Variants in SYNDIG1 observed in about 807,000 individuals in gnomAD.
SYNDIG1 encodes the protein synapse differentiation-inducing gene protein 1.
In SYNDIG1, 9 loss-of-function variants were observed where a neutral mutation model predicts 19.4. The observed-to-expected ratio is 0.46, with a 90% CI of 0.28 to 0.81. The LOEUF is 0.81. Among genes scored for constraint, SYNDIG1 ranks in the 30% least tolerant of loss-of-function variants. The pLI is 0.12. For missense variants in SYNDIG1, 311 were observed against 343.3 expected (o/e 0.91, Z 0.74); for synonymous variants, 141 against 145.9 (o/e 0.97, Z 0.24).
intron 3 of SYNDIG1, among the ~76,000 whole-genome samples, chr20:24,628,042 TAGA>T (rs1224836332): frequency 2.0e-5 from 3 of 152,234 alleles, no homozygotes; most frequent in African/African-American, 7.2e-5. Context: ...TTATGGCACT[TAGA>T]GGAGCACAGG....
chr20:24,621,052 C>A (rs1028908951), intron 3 of SYNDIG1, among the ~76,000 whole-genome samples: 2 of 152,002 alleles, frequency 1.3e-5, no homozygotes, highest in Non-Finnish European at 2.9e-5. Flanking sequence ...CTTCAGTGGG[C>A]AAAGTAAACA....
chr20:24,618,821 T>C (rs1273367918), intron 3 of SYNDIG1, among the ~76,000 whole-genome samples: 1 of 146,726 alleles, frequency 6.8e-6, no homozygotes, highest in African/African-American at 2.6e-5. Context: ...TCCTTTTTCC[T>C]TTCTTTGTTT....
intron 3 of SYNDIG1, among the ~76,000 whole-genome samples, chr20:24,650,592 C>G (rs2059460990): frequency 1.3e-5 from 2 of 152,202 alleles, no homozygotes. Flanking sequence ...AAAAACGTCC[C>G]TCTCTGTACC....
intron 3 of SYNDIG1, among the ~76,000 whole-genome samples, chr20:24,663,549 C>T (rs1345172821): frequency 2.0e-5 from 3 of 152,190 alleles, no homozygotes; most frequent in Non-Finnish European, 4.4e-5. Flanking sequence ...CCCCAGAGCC[C>T]AGCCCAGGCC....
intron 3 of SYNDIG1, among the ~76,000 whole-genome samples, chr20:24,640,308 G>GA (rs1308309225): frequency 5.4e-5 from 8 of 148,418 alleles, no homozygotes; most frequent in Non-Finnish European, 7.4e-5. Context: ...GTGACAGTGA[G>GA]AAAAAAAAGA....
intron 1 of SYNDIG1, among the ~76,000 whole-genome samples, chr20:24,510,601 T>G (rs1386599719): frequency 1.3e-5 from 2 of 152,000 alleles, no homozygotes; most frequent in Admixed American, 6.6e-5. Flanking sequence ...GAAATATTTT[T>G]CTCTGTTTGA....
At position 24,508,836 on chromosome 20, in the gene SYNDIG1, A is replaced by G. The variant is rs546925602; in HGVS notation, c.-78-34184A>G. Among the ~76,000 whole-genome samples, 5 of 152,302 alleles carry G rather than the reference A, an allele frequency of 3.3e-5. No individual in the cohort carries two copies. In the East Asian group the frequency reaches 9.7e-4, roughly 29 times the overall value. On this transcript the variant is annotated intron_variant, in intron 1 of 3. Transcript: ENST00000376862. ...GCAGGCTGGAGTCACATGAGAACTGAAGAAAAGGGGAATAAATAGAGGTGG... is the reference window on the plus strand; with the variant it reads ...GCAGGCTGGAGTCACATGAGAACTGGAGAAAAGGGGAATAAATAGAGGTGG...
chr20:24,646,422 T>G (rs2059423285), intron 3 of SYNDIG1, among the ~76,000 whole-genome samples: 1 of 152,030 alleles, frequency 6.6e-6, no homozygotes, highest in Non-Finnish European at 1.5e-5. Context: ...CTCTCACGAG[T>G]AGATGAATTC....
At chr20:24,470,857 C>A (rs559424142) in intron 1 of SYNDIG1, among the ~76,000 whole-genome samples, 1 of 152,068 alleles carries the variant, frequency 6.6e-6, no homozygotes, top group African/African-American at 2.4e-5. Flanking sequence ...ACGTCAGATG[C>A]GCTGGCGCCG....
chr20:24,535,833 CT>C (rs946203122), intron 1 of SYNDIG1, among the ~76,000 whole-genome samples: 5 of 152,278 alleles, frequency 3.3e-5, no homozygotes, highest in African/African-American at 4.8e-5. Context: ...ATGGCCTCCC[CT>C]GGCTCTATTT....
intron 1 of SYNDIG1, among the ~76,000 whole-genome samples, chr20:24,541,520 G>T (rs1391392523): frequency 6.6e-6 from 1 of 152,172 alleles, no homozygotes; most frequent in African/African-American, 2.4e-5. Context: ...TCCTCTATAA[G>T]GAAGCAGGTG....
chr20:24,561,762 C>CTAAGT (rs2057950993), intron 2 of SYNDIG1, among the ~76,000 whole-genome samples: 2 of 152,220 alleles, frequency 1.3e-5, no homozygotes, highest in Admixed American at 6.5e-5. Flanking sequence ...AGGATACTAT[C>CTAAGT]TAAGCGCTGG....
At chr20:24,530,040 ATGGTGAGG>A (rs2057222943) in intron 1 of SYNDIG1, among the ~76,000 whole-genome samples, 1 of 8,264 alleles carries the variant, frequency 1.2e-4, no homozygotes, top group Non-Finnish European at 2.8e-4. Context: ...GATGGTGGTA[ATGGTGAGG>A]GTGGTGGAGT....
At chr20:24,474,228 C>G (rs2055552634) in intron 1 of SYNDIG1, among the ~76,000 whole-genome samples, 1 of 152,178 alleles carries the variant, frequency 6.6e-6, no homozygotes. Flanking sequence ...TACCAACAGA[C>G]CACCACCCTC....
chr20:24,476,117 T>G (rs776277320), intron 1 of SYNDIG1, among the ~76,000 whole-genome samples: 2 of 151,726 alleles, frequency 1.3e-5, no homozygotes, highest in Non-Finnish European at 2.9e-5. Context: ...CGTCTTAGCC[T>G]CCCAAAGAGC....
intron 3 of SYNDIG1, among the ~76,000 whole-genome samples, chr20:24,585,736 A>G (rs1436251311): frequency 6.6e-6 from 1 of 152,238 alleles, no homozygotes; most frequent in East Asian, 1.9e-4. Flanking sequence ...TGCCAATTAC[A>G]GAGTGAGCTG....
intron 3 of SYNDIG1, among the ~76,000 whole-genome samples, chr20:24,607,507 C>T (rs2058775609): frequency 6.6e-6 from 1 of 152,170 alleles, no homozygotes; most frequent in African/African-American, 2.4e-5. Context: ...GAGAGTGGGG[C>T]TAGGAAGAGC....
chr20:24,574,060 A>G (rs2058187552), intron 2 of SYNDIG1, among the ~76,000 whole-genome samples: 1 of 152,206 alleles, frequency 6.6e-6, no homozygotes, highest in Non-Finnish European at 1.5e-5. Flanking sequence ...TCGAGGTCCC[A>G]ACAGGAGCAG....
intron 1 of SYNDIG1, among the ~76,000 whole-genome samples, chr20:24,507,429 T>C (rs956512935): frequency 1.2e-4 from 19 of 152,214 alleles, no homozygotes; most frequent in African/African-American, 4.6e-4. Flanking sequence ...CCCTGGCTGG[T>C]GAGAACCAGG....
Sources: allele counts gnomAD v4.1 joint callset (sites outside exome capture counted in the v4.1 genomes callset), GRCh38; gene constraint gnomAD v4.1.1; transcripts MANE v1.5; gene names NCBI Gene and HGNC (gene_info 2026-07-23, HGNC 2026-07-21).